RP1: variants seen among roughly 807,000 people sequenced by gnomAD.
The protein encoded by RP1 is RP1 axonemal microtubule associated.
Under a neutral mutation model 14.8 loss-of-function variants are expected in RP1, and 16 were observed. The observed-to-expected ratio is 1.08, with a 90% CI of 0.73 to 1.65. The LOEUF (loss-of-function observed/expected upper bound fraction) is 1.65. Ranked by LOEUF, RP1 falls within the 40% of genes most tolerant of loss-of-function variation. RP1 has a pLI of 0.00. For missense variants in RP1, 2,631 were observed against 2,535.0 expected, an observed-to-expected ratio of 1.04 and a Z score of -0.81; for synonymous variants, 876 against 883.6, an observed-to-expected ratio of 0.99 and a Z score of 0.15.
At chr8:54,622,876 A>G (rs975566311) in intron 3 of RP1, among the ~76,000 whole-genome samples, 6 of 152,216 alleles carry the variant, frequency 3.9e-5, no homozygotes, top group Non-Finnish European at 7.3e-5. Flanking sequence ...ATAGGGGAGG[A>G]AGAGGGCCTC....
At chr8:54,594,386 G>T (rs1310133464) in intron 1 of RP1, among the ~76,000 whole-genome samples, 1 of 152,250 alleles carries the variant, frequency 6.6e-6, no homozygotes, top group East Asian at 1.9e-4. Context: ...TAAGCTGTTG[G>T]ATCTGGCAGG....
chr8:54,861,137 G>A (rs563714948), intron 27 of RP1, among the ~76,000 whole-genome samples: 4 of 152,104 alleles, frequency 2.6e-5, no homozygotes, highest in Non-Finnish European at 2.9e-5. Flanking sequence ...TCCAGGTTAC[G>A]TTCTTTTCCC....
At chr8:54,848,063 C>T (rs914371658) in intron 25 of RP1, among the ~76,000 whole-genome samples, 2 of 152,296 alleles carry the variant, frequency 1.3e-5, no homozygotes, top group African/African-American at 2.4e-5. Context: ...TACATGTGAT[C>T]GCTCTCTCTC....
chr8:54,726,462 C>A, exon 17 of RP1: 2 of 1,529,772 alleles, frequency 1.3e-6, no homozygotes, highest in Non-Finnish European at 1.7e-6. Context: ...AGTCCCTTAC[C>A]TTCTTCAACT....
chr8:54,609,622 C>G (rs1805544482), intron 1 of RP1, among the ~76,000 whole-genome samples: 1 of 152,178 alleles, frequency 6.6e-6, no homozygotes, highest in Middle Eastern at 3.2e-3. Flanking sequence ...CACTGGGTGA[C>G]TATTTCACAG....
rs1806108837 is a variant in RP1 at position 54,627,669 on chromosome 8, A to C, written c.3787A>C (p.Thr1263Pro). The stretch of plus-strand genomic sequence containing the variant: ...GACTTGCTCTCCATGTGAGATGTGC[A>C]CTGTAAATAAGGCTTATTCTCCAAA... ...EVTCSPCEMC[T>P]VNKAYSPKET... The change falls in exon 4 of 4, where the codon ACT (threonine) becomes CCT (proline). Residue 1263 changes from threonine to proline, a missense_variant. Physicochemically the swap from Thr to Pro is conservative, Grantham distance 38. Transcript: ENST00000220676. The C allele has an allele frequency of 5.0e-6, 8 of 1,614,212 alleles. No homozygotes were observed. Among genetic ancestry groups the C allele is most frequent in the Non-Finnish European group, 6.8e-6 (8 of 1,179,990 alleles).
intron 25 of RP1, among the ~76,000 whole-genome samples, chr8:54,846,893 A>T (rs1811933837): frequency 6.6e-6 from 1 of 152,186 alleles, no homozygotes; most frequent in African/African-American, 2.4e-5. Context: ...ATCACACCAC[A>T]GCTCTGGTTT....
chr8:54,561,755 A>G (rs1372322654), intron 1 of RP1: 1 of 152,240 alleles, frequency 6.6e-6, no homozygotes, highest in Non-Finnish European at 1.5e-5. Flanking sequence ...AAAAAGATCA[A>G]TAACAAGCAT....
chr8:54,752,347 G>T (rs1015964625), intron 19 of RP1, among the ~76,000 whole-genome samples: 1 of 152,148 alleles, frequency 6.6e-6, no homozygotes, highest in Non-Finnish European at 1.5e-5. Flanking sequence ...GATAGCAGTC[G>T]TAGTTATGGT....
At chr8:54,793,333 G>A (rs1810512627) in intron 24 of RP1, among the ~76,000 whole-genome samples, 1 of 151,798 alleles carries the variant, frequency 6.6e-6, no homozygotes, top group South Asian at 2.1e-4. Context: ...ATTTTATGAG[G>A]CCAGCATTAC....
chr8:54,677,530 C>G lies in RP1; in HGVS notation c.1403-931C>G, dbSNP rs993775006. ...TTGCTTGAGGCCAGGAGTTCAAGAC[C>G]GGCCTGGGCAACATACAAGACCCCA... On this transcript the variant is annotated intron_variant, in intron 8 of 22. Coordinates refer to the RP1 transcript ENST00000636932. 2.0e-5 allele frequency among the ~76,000 whole-genome samples: 3 copies of G among 151,992 alleles called. No homozygotes were observed. The South Asian group carries it at 6.2e-4, about 32-fold the overall frequency.
intron 1 of RP1, among the ~76,000 whole-genome samples, chr8:54,604,249 A>G (rs527954357): frequency 1.3e-5 from 2 of 152,186 alleles, no homozygotes; most frequent in African/African-American, 4.8e-5. Flanking sequence ...TAGCATGAAG[A>G]GTTGCTGAAT....
downstream of RP1, among the ~76,000 whole-genome samples, chr8:54,774,213 C>T (rs1003666866): frequency 1.3e-5 from 2 of 152,088 alleles, no homozygotes; most frequent in Non-Finnish European, 2.9e-5. Flanking sequence ...AGCCTTCTGC[C>T]TGTTGTGTCA....
rs757644601 is a variant in RP1 at position 54,628,757 on chromosome 8, A to G, written c.4875A>G (p.Ile1625Met). ...GELTQEKEYN[I>M]GFVKRAIEKL... ...TTACCCAAGAGAAAGAATATAACAT[A>G]GGATTTGTTAAAAGGGCAATAGAAA... The change falls in exon 4 of 4, where the codon ATA becomes ATG. Residue 1625 changes from isoleucine to methionine, a missense_variant. Transcript: ENST00000220676. 8.7e-6 allele frequency: 14 copies of G among 1,614,024 alleles called. No homozygotes were observed. Among genetic ancestry groups the G allele is most frequent in the Non-Finnish European group, 1.2e-5 (14 of 1,180,000 alleles).
At chr8:54,784,441 T>A (rs1413212161) in intron 24 of RP1, among the ~76,000 whole-genome samples, 1 of 152,184 alleles carries the variant, frequency 6.6e-6, no homozygotes, top group Non-Finnish European at 1.5e-5. Context: ...TAATGTACTA[T>A]GAATAAATAG....
rs927654679 is a variant in RP1 at position 54,769,069 on chromosome 8, T to A, written c.3249-672T>A. 2.6e-5 allele frequency among the ~76,000 whole-genome samples: 4 copies of A among 151,946 alleles called. No homozygotes were observed. The East Asian group carries it at 7.7e-4, about 29-fold the overall frequency. On this transcript the variant is annotated intron_variant, in intron 22 of 22. Coordinates refer to the RP1 transcript ENST00000636932. ...CACCACCACGCCCAGCTAATTTTTT[T>A]ATTTTTAGTAGAGATGGGCTTTCAC... is the stretch of plus-strand genomic sequence containing the variant.
intron 1 of RP1, among the ~76,000 whole-genome samples, chr8:54,619,187 T>C (rs1161942769): frequency 6.6e-6 from 1 of 152,206 alleles, no homozygotes; most frequent in Non-Finnish European, 1.5e-5. Flanking sequence ...TTTAAACCTC[T>C]GAGGAAGAAG....
intron 5 of RP1, among the ~76,000 whole-genome samples, chr8:54,653,200 C>T (rs1026841986): frequency 1.3e-5 from 2 of 152,064 alleles, no homozygotes; most frequent in African/African-American, 2.4e-5. Flanking sequence ...TAAAGATAGA[C>T]CACTGTGTTG....
At chr8:54,635,752 G>A (rs376222111), downstream of RP1, among the ~76,000 whole-genome samples, 3 of 152,184 alleles carry the variant, frequency 2.0e-5, no homozygotes, top group African/African-American at 7.2e-5. Context: ...GCTATTGAAC[G>A]TGATAAAATG....
Sources: gnomAD v4.1 joint callset for allele counts (sites outside exome capture counted in the v4.1 genomes callset) on GRCh38, gnomAD v4.1.1 for gene constraint, MANE v1.5 for transcripts, NCBI Gene and HGNC (gene_info 2026-07-23, HGNC 2026-07-21) for gene names.